Variants in NBEAL1 observed in about 807,000 individuals in gnomAD.
NBEAL1 encodes neurobeachin like 1.
Under a neutral mutation model 351.3 loss-of-function variants are expected in NBEAL1, and 273 were observed. That is an observed-to-expected ratio of 0.78 (90% CI 0.70 to 0.86). The LOEUF is 0.86. NBEAL1 is among the 40% of genes least tolerant of loss of function. The probability of loss-of-function intolerance (pLI) is 0.00; values close to 1 mark genes in which losing one functional copy is unlikely to be tolerated. For missense variants in NBEAL1, 2,961 were observed against 3,201.3 expected (o/e 0.92, Z 1.81); for synonymous variants, 1,050 against 1,086.4 (o/e 0.97, Z 0.66).
chr2:203,176,729 C>A (rs375665225), intron 42 of NBEAL1, among the ~76,000 whole-genome samples: 350 of 132,982 alleles, frequency 2.6e-3, no homozygotes, highest in African/African-American at 2.8e-3. Flanking sequence ...GAAACTGTCT[C>A]AAAAAAAAAA....
chr2:203,174,278 GAAAT>G (rs889971568), intron 41 of NBEAL1, among the ~76,000 whole-genome samples: 19 of 73,742 alleles, frequency 2.6e-4, no homozygotes, highest in Admixed American at 6.9e-4. Context: ...AAAAAGTAAA[GAAAT>G]AGTTAAATTG....
intron 7 of NBEAL1, among the ~76,000 whole-genome samples, chr2:203,070,882 C>G (rs373004976): frequency 6.6e-6 from 1 of 152,122 alleles, no homozygotes; most frequent in Non-Finnish European, 1.5e-5. Context: ...CAGTTGAACA[C>G]GAGATTTCAG....
chr2:203,170,930 T>C (rs1166066340), intron 39 of NBEAL1, among the ~76,000 whole-genome samples: 5 of 152,160 alleles, frequency 3.3e-5, no homozygotes, highest in African/African-American at 1.2e-4. Context: ...CTTATGAAAA[T>C]TTCAATTTGT....
intron 10 of NBEAL1, among the ~76,000 whole-genome samples, chr2:203,087,928 G>A (rs1043446165): frequency 2.0e-5 from 3 of 152,138 alleles, no homozygotes; most frequent in African/African-American, 7.2e-5. Flanking sequence ...TGGTTGCCTA[G>A]AACAACAGGA....
Position 203,169,812 on chromosome 2 carries a change from A to G in NBEAL1, c.6063A>G (p.Arg2021=). ...CCCCAAATAGTTATTATGGAAGCAG[A>G]TCACCACAGGAGTTATTCAAAGCAT... ...LHSPNSYYGS[R]SPQELFKASG... is the part of the protein sequence containing the mutation. The change falls in exon 39 of 56, where the codon AGA becomes AGG. Residue 2021 remains arginine, a synonymous_variant. Transcript: ENST00000683969. 1 of 1,610,702 alleles carries G rather than the reference A, an allele frequency of 6.2e-7. No homozygotes were observed. The highest frequency in any genetic ancestry group is 2.2e-5 in the East Asian group (1 of 44,700).
rs200765485 is a variant in NBEAL1, at chr2:203,193,930, A to G, written c.7038+19A>G. The G allele has an allele frequency of 5.1e-6, 7 of 1,385,056 alleles. No homozygotes were observed. The highest frequency in any genetic ancestry group is 7.1e-6 in the Non-Finnish European group (7 of 985,588). 85.8% of individuals were successfully genotyped at this position (1,385,056 alleles called of 1,614,324 possible). On this transcript the variant is annotated intron_variant, in intron 47 of 55. Coordinates refer to ENST00000683969, the MANE Select transcript of NBEAL1 (RefSeq NM_001378026.1). ...TATAGAGGTAATATCCTACTTGGTA[A>G]TATCAAAAAGAGTTTTCTCTAAATT... is the stretch of plus-strand genomic sequence containing the variant.
Position 203,144,856 on chromosome 2 carries a change from T to G in NBEAL1, c.5105T>G (p.Phe1702Cys). ...GGTAGCTCCTCATTTTTTGAAGATT[T>G]TCAAGAATATTGTAATTCAAATGAA... ...TNGSSSFFEDFQEYCNSNEWQ... is the reference protein window; with the variant it reads ...TNGSSSFFEDCQEYCNSNEWQ... The change falls in exon 32 of 56, where the codon TTT becomes TGT. Residue 1702 changes from phenylalanine to cysteine, a missense_variant. By Grantham distance (205) the Phe-to-Cys change is radical (BLOSUM62 -2). Transcript: ENST00000683969. 3 of 1,610,200 alleles carry G rather than the reference T, an allele frequency of 1.9e-6. No homozygotes were observed. Among genetic ancestry groups the G allele is most frequent in the Non-Finnish European group, 2.5e-6 (3 of 1,178,628 alleles).
chr2:203,191,185 GCC>G, intron 46 of NBEAL1: 2 of 1,562,058 alleles, frequency 1.3e-6, no homozygotes, highest in East Asian at 4.5e-5. Context: ...CCTGGGGACT[GCC>G]CAGTCTGTGG....
Position 203,190,208 on chromosome 2 carries a change from A to C in NBEAL1, c.6824-84A>C, listed in dbSNP as rs534660459. ...CACACACACACACACACACACACAC[A>C]CCAATGAGCCTGATACATTAATCAG... On this transcript the variant is annotated intron_variant, in intron 45 of 55. Transcript: ENST00000683969. 3.1e-5 allele frequency: 22 copies of C among 708,882 alleles called. 1 individual carries two copies. The highest frequency in any genetic ancestry group is 3.0e-4 in the South Asian group (18 of 59,222). 43.9% of individuals were successfully genotyped at this position (708,882 alleles called of 1,614,324 possible).
chr2:203,183,246 T>C, intron 43 of NBEAL1, 33 bp from the exon 44 acceptor site: 1 of 1,160,910 alleles, frequency 8.6e-7, no homozygotes, highest in South Asian at 1.4e-5. Context: ...TAATCTAAAA[T>C]GATTTGATAC....
intron 38 of NBEAL1, among the ~76,000 whole-genome samples, chr2:203,167,834 C>T (rs923207692): frequency 1.3e-5 from 2 of 152,154 alleles, no homozygotes; most frequent in Non-Finnish European, 2.9e-5. Context: ...TGCTTGGGCC[C>T]GGCCTTCCTC....
chr2:203,062,109 T>C lies in NBEAL1; in HGVS notation c.515+4656T>C, dbSNP rs1236989842. ...ACATTCTGCATACACATGGTTTTAC[T>C]TTAGTAGAAACTTTCTTGTTCAGAT... On this transcript the variant is annotated intron_variant, in intron 6 of 55. Coordinates refer to ENST00000683969, the MANE Select transcript of NBEAL1 (RefSeq NM_001378026.1). This position sits in a 1 kb window ranked among gnomAD's most constrained non-coding sequence, Gnocchi z 4.2. 3.2e-5 allele frequency: 12 copies of C among 374,404 alleles called. No individual in the cohort carries two copies. Among genetic ancestry groups the C allele is most frequent in the Non-Finnish European group, 6.2e-5 (12 of 193,212 alleles). 23.2% of individuals were successfully genotyped at this position (374,404 alleles called of 1,614,324 possible). A position where few individuals can be genotyped will look rare whatever the true frequency, so the allele number is the denominator to read the frequency against.
Position 203,136,672 on chromosome 2 carries a change from CTGA to C in NBEAL1, c.4471_4473del (p.Asp1491del). ...GTAATGTGTAAGGGACTAGAAAAGT[CTGA>C]TGATGATACTTGGATTGAACGAGGA... On this transcript the variant is annotated inframe_deletion, in exon 29 of 56. Coordinates refer to ENST00000683969, the MANE Select transcript of NBEAL1 (RefSeq NM_001378026.1). 1.2e-6 allele frequency: 2 copies of C among 1,613,562 alleles called. No homozygotes were observed.
intron 18 of NBEAL1, among the ~76,000 whole-genome samples, chr2:203,117,278 C>T (rs992500706): frequency 1.3e-5 from 2 of 152,046 alleles, no homozygotes; most frequent in African/African-American, 4.8e-5. Context: ...TCCTGGCTAA[C>T]ACGGTGAAAC....
chr2:203,194,969 C>T (rs952696620), intron 47 of NBEAL1, among the ~76,000 whole-genome samples: 1 of 151,880 alleles, frequency 6.6e-6, no homozygotes, highest in East Asian at 1.9e-4. Flanking sequence ...AGGCCGAGAC[C>T]GGCAGATCAC....
At chr2:203,113,906 C>G (rs1277914880) in intron 17 of NBEAL1, among the ~76,000 whole-genome samples, 4 of 151,402 alleles carry the variant, frequency 2.6e-5, no homozygotes, top group Non-Finnish European at 5.9e-5. Flanking sequence ...ACTGCAAGCT[C>G]CGCCTCCCAG....
Position 203,130,443 on chromosome 2 carries a change from G to A in NBEAL1, c.3531G>A (p.Lys1177=). ...TGTACGCATTGCTCTTAAATCAGAA[G>A]TACTCTGACAGACTAAGAGAAATCA... The part of the protein sequence containing the change: ...DILYALLLNQ[K]YSDRLREIIF... Residue 1177 remains lysine (K), a synonymous_variant, in exon 25 of 56, where the codon AAG becomes AAA. Coordinates refer to ENST00000683969, the MANE Select transcript of NBEAL1 (RefSeq NM_001378026.1). 6.8e-7 allele frequency: 1 copy of A among 1,465,966 alleles called. No homozygotes were observed. The allele number at this position is 1,465,966 out of a possible 1,614,324, so 90.8% of individuals were successfully genotyped here.
intron 2 of NBEAL1, among the ~76,000 whole-genome samples, chr2:203,022,429 A>G (rs2060787416): frequency 6.6e-6 from 1 of 152,104 alleles, no homozygotes; most frequent in Admixed American, 6.5e-5. Context: ...TGCCCTGAAC[A>G]GTTTTGTGAA....
intron 7 of NBEAL1, among the ~76,000 whole-genome samples, chr2:203,076,039 A>G (rs1242146969): frequency 5.9e-5 from 9 of 152,120 alleles, no homozygotes; most frequent in African/African-American, 1.9e-4. Context: ...TGACATGTGC[A>G]AAAGGGTATT....
Sources: allele counts gnomAD v4.1 joint callset (sites outside exome capture counted in the v4.1 genomes callset), GRCh38; gene constraint gnomAD v4.1.1; non-coding constraint Gnocchi (gnomAD v3.1); transcripts MANE v1.5; gene names NCBI Gene and HGNC (gene_info 2026-07-23, HGNC 2026-07-21).